CCDC30: variants seen among roughly 807,000 people sequenced by gnomAD.
CCDC30 encodes the protein coiled-coil domain containing 30.
A neutral mutation model predicts 100.2 loss-of-function variants in CCDC30; 70 were observed. The observed-to-expected ratio is 0.70, with a 90% CI of 0.58 to 0.85. The LOEUF (loss-of-function observed/expected upper bound fraction) is 0.85, where lower values mean the gene tolerates loss of function less well. CCDC30 is among the 40% of genes least tolerant of loss of function. The probability of loss-of-function intolerance (pLI) is 0.00; values close to 1 mark genes in which losing one functional copy is unlikely to be tolerated. For synonymous variants in CCDC30, 233 were observed against 269.5 expected, an observed-to-expected ratio of 0.86 and a Z score of 1.33; for missense variants, 652 against 771.2, an observed-to-expected ratio of 0.85 and a Z score of 1.83.
intron 4 of CCDC30, among the ~76,000 whole-genome samples, chr1:42,490,627 A>G (rs1644123313): frequency 6.6e-6 from 1 of 152,020 alleles, no homozygotes; most frequent in South Asian, 2.1e-4. Context: ...CACATGCGTT[A>G]TCTCTAATCC....
chr1:42,543,335 T>TTCTTTCTCACTCAGTTG (rs1645054917), intron 6 of CCDC30, among the ~76,000 whole-genome samples: 1 of 151,844 alleles, frequency 6.6e-6, no homozygotes, highest in African/African-American at 2.4e-5. Flanking sequence ...TTTCTTTTCT[T>TTCTTTCTCACTCAGTTG]TCTTTCTCAC....
the CCDC30 span, chr1:42,457,094 C>G: frequency 6.3e-7 from 1 of 1,579,312 alleles, no homozygotes; most frequent in East Asian, 2.2e-5. Context: ...TAGGAGTACC[C>G]CTTTTGCCTG....
intron 13 of CCDC30, among the ~76,000 whole-genome samples, chr1:42,642,816 T>G (rs1247958463): frequency 6.6e-6 from 1 of 152,232 alleles, no homozygotes; most frequent in Non-Finnish European, 1.5e-5. Context: ...GGTTGGCTAT[T>G]TAGATAGGCT....
intron 7 of CCDC30, among the ~76,000 whole-genome samples, chr1:42,571,875 T>C (rs1388514359): frequency 1.3e-5 from 2 of 152,236 alleles, no homozygotes; most frequent in African/African-American, 4.8e-5. Flanking sequence ...GAAAGAACTT[T>C]GCCTTTGAAC....
intron 6 of CCDC30, among the ~76,000 whole-genome samples, chr1:42,545,204 C>G (rs937406766): frequency 3.0e-5 from 4 of 134,080 alleles, no homozygotes; most frequent in African/African-American, 8.0e-5. Flanking sequence ...TTTACATACC[C>G]TTATGCCTAT....
chr1:42,547,167 G>C (rs1021808023), intron 6 of CCDC30, among the ~76,000 whole-genome samples: 1 of 152,158 alleles, frequency 6.6e-6, no homozygotes, highest in Admixed American at 6.5e-5. Context: ...GATGGGGAAG[G>C]GGTATGATAA....
intron 15 of CCDC30, among the ~76,000 whole-genome samples, chr1:42,647,342 G>A (rs375595680): frequency 2.0e-5 from 3 of 152,156 alleles, no homozygotes; most frequent in Admixed American, 6.5e-5. Flanking sequence ...AACGACAAGG[G>A]GGGTAACCTA....
At chr1:42,646,414 G>A in intron 15 of CCDC30, 97 bp downstream of exon 19, 2 of 1,283,318 alleles carry the variant, frequency 1.6e-6, no homozygotes, top group Non-Finnish European at 2.0e-6. Context: ...TTTCTACACT[G>A]GAAAAAGTAA....
intron 6 of CCDC30, among the ~76,000 whole-genome samples, chr1:42,563,967 A>G (rs1252728994): frequency 1.3e-5 from 2 of 152,174 alleles, no homozygotes; most frequent in African/African-American, 4.8e-5. Context: ...TAAGAAAAGC[A>G]TATTGTGTTT....
intron 6 of CCDC30, among the ~76,000 whole-genome samples, chr1:42,562,552 A>G (rs1645513478): frequency 6.6e-6 from 1 of 152,218 alleles, no homozygotes; most frequent in Non-Finnish European, 1.5e-5. Flanking sequence ...ATGGGCAAAG[A>G]CTTCATGACA....
At chr1:42,518,523 C>G (rs1224429068) in intron 6 of CCDC30, among the ~76,000 whole-genome samples, 1 of 152,040 alleles carries the variant, frequency 6.6e-6, no homozygotes, top group African/African-American at 2.4e-5. Flanking sequence ...ATACAAATAC[C>G]ATTTTGTTTA....
chr1:42,517,514 C>T (rs1441671857), intron 6 of CCDC30, among the ~76,000 whole-genome samples: 3 of 152,108 alleles, frequency 2.0e-5, no homozygotes, highest in African/African-American at 7.2e-5. Flanking sequence ...TGGAGAGTTC[C>T]CCCTAAGTTT....
chr1:42,639,247 A>C (rs1647232817), intron 12 of CCDC30, among the ~76,000 whole-genome samples: 2 of 98,660 alleles, frequency 2.0e-5, no homozygotes, highest in Non-Finnish European at 5.4e-5. Flanking sequence ...ACACACAGAC[A>C]GACACAGACA....
chr1:42,460,857 A>C (rs575261344), upstream of CCDC30, among the ~76,000 whole-genome samples: 2 of 152,270 alleles, frequency 1.3e-5, no homozygotes, highest in Non-Finnish European at 2.9e-5. Context: ...GGTGCCTAGC[A>C]TTTGATTCAC....
At chr1:42,477,507 C>T (rs1453633814) in intron 1 of CCDC30, among the ~76,000 whole-genome samples, 2 of 152,016 alleles carry the variant, frequency 1.3e-5, no homozygotes, top group Non-Finnish European at 2.9e-5. Context: ...GGATTACAGG[C>T]CACGTGTTTT....
chr1:42,615,718 TG>T (rs940303422), intron 11 of CCDC30, among the ~76,000 whole-genome samples: 1 of 152,196 alleles, frequency 6.6e-6, no homozygotes, highest in Non-Finnish European at 1.5e-5. Context: ...AACAAGGAAG[TG>T]GACCAAAGTG....
Position 42,517,996 on chromosome 1 carries a change from T to C in CCDC30, c.456+19080T>C, listed in dbSNP as rs1311480978. Among the ~76,000 whole-genome samples, 5 of 152,320 alleles carry C rather than the reference T, an allele frequency of 3.3e-5. No individual in the cohort carries two copies. The South Asian group carries it at 1.0e-3, about 32-fold the overall frequency. On this transcript the variant is annotated intron_variant, in intron 6 of 16. Transcript: ENST00000668663. Reference sequence around the variant, plus strand: ...GTACAAATTTTAGGATGGATTGTTTTATTTCTGCAAAAAATATTGTTGGAA... The same window carrying C: ...GTACAAATTTTAGGATGGATTGTTTCATTTCTGCAAAAAATATTGTTGGAA...
intron 1 of CCDC30, among the ~76,000 whole-genome samples, chr1:42,474,673 A>C (rs1041313055): frequency 6.6e-6 from 1 of 152,194 alleles, no homozygotes. Context: ...TCTACCCATC[A>C]GAGTATGAAT....
At chr1:42,474,758 A>G (rs566588810) in intron 1 of CCDC30, among the ~76,000 whole-genome samples, 1 of 152,138 alleles carries the variant, frequency 6.6e-6, no homozygotes, top group Non-Finnish European at 1.5e-5. Context: ...TTCACCTCCA[A>G]AGTGGGAGAA....
Sources: gnomAD v4.1 joint callset for allele counts (sites outside exome capture counted in the v4.1 genomes callset) on GRCh38, gnomAD v4.1.1 for gene constraint, MANE v1.5 for transcripts, NCBI Gene and HGNC (gene_info 2026-07-23, HGNC 2026-07-21) for gene names.